SCG3: variants seen among roughly 807,000 people sequenced by gnomAD.
The protein encoded by SCG3 is secretogranin III, also known as secretogranin-3.
A neutral mutation model predicts 56.2 loss-of-function variants in SCG3; 38 were observed. The ratio of observed to expected loss-of-function variants is 0.68; its 90% CI spans 0.52 to 0.89. The LOEUF is 0.89. Among genes scored for constraint, SCG3 ranks in the 40% least tolerant of loss-of-function variants. The pLI is 0.00. For missense variants in SCG3, 524 were observed against 540.7 expected (o/e 0.97, Z 0.31); for synonymous variants, 176 against 184.2 (o/e 0.96, Z 0.36).
At chr15:51,692,103 G>A in intron 6 of SCG3, 56 bp from the exon 7 acceptor site, 29 of 1,487,072 alleles carry the variant, frequency 2.0e-5, no homozygotes, top group Non-Finnish European at 2.6e-5. Flanking sequence ...AATCAAGCTG[G>A]AGTTTCACTA....
chr15:51,681,879 G>T (rs1210764661), intron 1 of SCG3, 42 bp downstream of exon 1: 4 of 1,536,654 alleles, frequency 2.6e-6, no homozygotes, highest in Admixed American at 1.7e-5. Flanking sequence ...CTTTTATTTC[G>T]CCACGAAAAG....
intron 7 of SCG3, among the ~76,000 whole-genome samples, chr15:51,692,966 C>T (rs1209448060): frequency 6.6e-6 from 1 of 152,086 alleles, no homozygotes; most frequent in Non-Finnish European, 1.5e-5. Flanking sequence ...ACTATCACCA[C>T]CATGCTGTAC....
intron 4 of SCG3, among the ~76,000 whole-genome samples, chr15:51,683,815 A>C (rs2055211320): frequency 6.6e-6 from 1 of 152,124 alleles, no homozygotes; most frequent in Non-Finnish European, 1.5e-5. Flanking sequence ...AATATCCACT[A>C]TTTCCTTTTC....
Position 51,681,649 on chromosome 15 carries a change from C to T in SCG3, c.-107C>T. The T allele has an allele frequency of 1.9e-6, 1 of 524,328 alleles. No homozygotes were observed. Among genetic ancestry groups the T allele is most frequent in the Non-Finnish European group, 3.7e-6 (1 of 267,156 alleles). 32.5% of individuals were successfully genotyped at this position (524,328 alleles called of 1,614,324 possible). A position where few individuals can be genotyped will look rare whatever the true frequency, so the allele number is the denominator to read the frequency against. On this transcript the variant is annotated 5_prime_UTR_variant, in exon 1 of 12. Coordinates refer to ENST00000220478, the MANE Select transcript of SCG3 (RefSeq NM_013243.4). The stretch of plus-strand genomic sequence containing the variant: ...GTCCCGGCCCCTCTCCCGCCCCACA[C>T]CCACCCTCCTGGCTCTTCCTGTTTT...
rs1171134742 is a variant in SCG3, at chr15:51,701,248, T to C, written c.1207+4T>C. On this transcript the variant is annotated splice_donor_region_variant and intron_variant, in intron 10 of 11. Coordinates refer to ENST00000220478, the MANE Select transcript of SCG3 (RefSeq NM_013243.4). The stretch of plus-strand genomic sequence containing the variant: ...GGAAAGACAGATGAACCCAAAGGTA[T>C]GGGATTGACAGCTCTAGGTTAGCAA... 1.3e-6 allele frequency: 2 copies of C among 1,582,608 alleles called. No homozygotes were observed. Among genetic ancestry groups the C allele is most frequent in the Admixed American group, 1.9e-5 (1 of 53,518 alleles).
chr15:51,703,835 T>C (rs1433420208), intron 10 of SCG3, among the ~76,000 whole-genome samples: 1 of 152,182 alleles, frequency 6.6e-6, no homozygotes, highest in Non-Finnish European at 1.5e-5. Context: ...TATACATTTT[T>C]ATATTTTTGT....
chr15:51,705,494 A>G (rs1283765856), intron 10 of SCG3, among the ~76,000 whole-genome samples: 1 of 151,876 alleles, frequency 6.6e-6, no homozygotes, highest in Non-Finnish European at 1.5e-5. Context: ...AAGAGAGTAG[A>G]CTAAAACTTT....
intron 2 of SCG3, 34 bp from the exon 3 acceptor site, chr15:51,683,045 T>A: frequency 6.3e-7 from 1 of 1,584,630 alleles, no homozygotes; most frequent in Non-Finnish European, 8.6e-7. Flanking sequence ...GAGCAATGAT[T>A]TTAAACCAAG....
chr15:51,708,761 A>G (rs1235234746), intron 10 of SCG3, among the ~76,000 whole-genome samples: 1 of 152,016 alleles, frequency 6.6e-6, no homozygotes, highest in African/African-American at 2.4e-5. Flanking sequence ...CGGAGGCTTG[A>G]GGCAGGAGAA....
intron 10 of SCG3, among the ~76,000 whole-genome samples, chr15:51,704,238 TACATAC>T (rs1353661146): frequency 2.2e-4 from 15 of 66,982 alleles, no homozygotes; most frequent in African/African-American, 7.8e-4. Flanking sequence ...TATACATACA[TACATAC>T]ATATATATAT....
At chr15:51,704,236 C>CATATAT (rs1338699360) in intron 10 of SCG3, among the ~76,000 whole-genome samples, 46 of 54,288 alleles carry the variant, frequency 8.5e-4, no homozygotes, top group African/African-American at 2.4e-3. Flanking sequence ...TGTATACATA[C>CATATAT]ATACATACAT....
intron 5 of SCG3, 90 bp from the exon 6 acceptor site, chr15:51,689,129 T>C: frequency 7.4e-7 from 1 of 1,354,058 alleles, no homozygotes; most frequent in Non-Finnish European, 1.0e-6. Flanking sequence ...CTTTAAAAAA[T>C]ACATGTTTGA....
chr15:51,681,697 C>G lies in SCG3; in HGVS notation c.-59C>G. The G allele has an allele frequency of 1.0e-6, 1 of 975,572 alleles. No homozygotes were observed. The highest frequency in any genetic ancestry group is 1.5e-6 in the Non-Finnish European group (1 of 672,274). 60.4% of individuals were successfully genotyped at this position (975,572 alleles called of 1,614,324 possible). A position where few individuals can be genotyped will look rare whatever the true frequency, so the allele number is the denominator to read the frequency against. On this transcript the variant is annotated 5_prime_UTR_variant, in exon 1 of 12. Coordinates refer to ENST00000220478, the MANE Select transcript of SCG3 (RefSeq NM_013243.4). ...TTTTACTCCTCCTTTTCATTCATAA[C>G]AAAAGCTACAGCTCCAGGAGCCCAG...
intron 10 of SCG3, among the ~76,000 whole-genome samples, chr15:51,704,785 A>ATATATATATATATATATATATATATATG (rs2055364078): frequency 7.4e-6 from 1 of 135,260 alleles, no homozygotes; most frequent in Non-Finnish European, 1.6e-5. Flanking sequence ...ATATATATAT[A>ATATATATATATATATATATATATATATG]TATATATATA....
In SCG3 at chr15:51,681,659, T is replaced by G; in HGVS notation, c.-97T>G. Reference sequence around the variant, plus strand: ...CTCTCCCGCCCCACACCCACCCTCCTGGCTCTTCCTGTTTTTACTCCTCCT... The same window carrying G: ...CTCTCCCGCCCCACACCCACCCTCCGGGCTCTTCCTGTTTTTACTCCTCCT... On this transcript the variant is annotated 5_prime_UTR_variant, in exon 1 of 12. Coordinates refer to ENST00000220478, the MANE Select transcript of SCG3 (RefSeq NM_013243.4). 1.3e-5 allele frequency: 6 copies of G among 449,370 alleles called. No individual in the cohort carries two copies. The highest frequency in any genetic ancestry group is 7.3e-5 in the East Asian group (1 of 13,788). 27.8% of individuals were successfully genotyped at this position (449,370 alleles called of 1,614,324 possible).
intron 4 of SCG3, among the ~76,000 whole-genome samples, chr15:51,687,239 A>C (rs1429185226): frequency 6.6e-6 from 1 of 152,240 alleles, no homozygotes; most frequent in Non-Finnish European, 1.5e-5. Context: ...AATCCCATGA[A>C]ATAGATACCT....
chr15:51,709,701 A>ATTTTTT (rs869162420), intron 10 of SCG3, among the ~76,000 whole-genome samples: 1 of 22,960 alleles, frequency 4.4e-5, no homozygotes, highest in Non-Finnish European at 6.5e-5. Flanking sequence ...ATATATATAT[A>ATTTTTT]TTTTTTTTTT....
At chr15:51,681,869 CT>C in intron 1 of SCG3, 32 bp downstream of exon 1, 1 of 1,575,198 alleles carries the variant, frequency 6.3e-7, no homozygotes, top group Non-Finnish European at 8.7e-7. Flanking sequence ...TCCTACCTTC[CT>C]TTTATTTCGC....
chr15:51,697,355 G>C (rs1205052954), intron 8 of SCG3, among the ~76,000 whole-genome samples: 1 of 152,144 alleles, frequency 6.6e-6, no homozygotes, highest in Non-Finnish European at 1.5e-5. Context: ...AATCAAAAAT[G>C]CCTCAAAGGC....
Sources: gnomAD v4.1 joint callset for allele counts (sites outside exome capture counted in the v4.1 genomes callset) on GRCh38, gnomAD v4.1.1 for gene constraint, MANE v1.5 for transcripts, NCBI Gene and HGNC (gene_info 2026-07-23, HGNC 2026-07-21) for gene names.